Variants in CDIN1 observed in about 807,000 individuals in gnomAD.
The protein encoded by CDIN1 is CDAN1-interacting nuclease 1.
A neutral mutation model predicts 45.3 loss-of-function variants in CDIN1; 33 were observed. The observed-to-expected ratio is 0.73, with a 90% confidence interval of 0.55 to 0.97. CDIN1 has a LOEUF of 0.97. Ranked by LOEUF, CDIN1 falls within the 50% of genes least tolerant of loss-of-function variation. The pLI, the probability that CDIN1 is intolerant of heterozygous loss-of-function variation, is 0.00. For synonymous variants in CDIN1, 118 were observed against 124.4 expected, an observed-to-expected ratio of 0.95 and a Z score of 0.34; for missense variants, 303 against 339.4, an observed-to-expected ratio of 0.89 and a Z score of 0.84.
chr15:36,611,198 C>T (rs2038633092), intron 1 of CDIN1, among the ~76,000 whole-genome samples: 1 of 152,178 alleles, frequency 6.6e-6, no homozygotes, highest in African/African-American at 2.4e-5. Context: ...TCTGACTGAA[C>T]TGGGTAGCTA....
intron 3 of CDIN1, among the ~76,000 whole-genome samples, chr15:36,650,684 C>T (rs1284878713): frequency 6.6e-6 from 1 of 152,060 alleles, no homozygotes; most frequent in East Asian, 1.9e-4. Flanking sequence ...CTCAAATGAT[C>T]CACCCGCCTT....
chr15:36,788,412 G>A (rs1031647859), intron 10 of CDIN1, among the ~76,000 whole-genome samples: 9 of 151,912 alleles, frequency 5.9e-5, no homozygotes, highest in Non-Finnish European at 1.3e-4. Flanking sequence ...AAAAACAGAT[G>A]AGCAGTTTGA....
intron 1 of CDIN1, chr15:36,618,302 A>C (rs779311655): frequency 6.0e-5 from 40 of 667,846 alleles, no homozygotes; most frequent in Admixed American, 3.8e-4. Context: ...TCTAGTTCAA[A>C]AAATTTTTCA....
intron 1 of CDIN1, among the ~76,000 whole-genome samples, chr15:36,634,441 A>T (rs2140362484): frequency 6.6e-6 from 1 of 152,122 alleles, no homozygotes; most frequent in East Asian, 1.9e-4. Flanking sequence ...CAACAACAAA[A>T]AGTTTTATAT....
intron 10 of CDIN1, among the ~76,000 whole-genome samples, chr15:36,791,163 C>A (rs1458578748): frequency 6.6e-6 from 1 of 152,054 alleles, no homozygotes; most frequent in Non-Finnish European, 1.5e-5. Context: ...ATTTTCAAAT[C>A]ATTCAGCCCA....
chr15:36,720,932 A>C (rs1320870589), intron 10 of CDIN1, among the ~76,000 whole-genome samples: 1 of 152,130 alleles, frequency 6.6e-6, no homozygotes, highest in African/African-American at 2.4e-5. Context: ...CATCCTCTCC[A>C]GCATCTGTTG....
rs114163230 is a variant in CDIN1, at chr15:36,595,045, A to G, written c.101+15084A>G. On this transcript the variant is annotated intron_variant, in intron 1 of 10. Transcript: ENST00000566621. The stretch of plus-strand genomic sequence containing the variant: ...TGTTCTTATGGCTTATGGAAAAGAC[A>G]ACTGACATATGTAACCTTGGAACTG... 3.7e-3 allele frequency: 1,361 copies of G among 363,472 alleles called. 19 individuals are homozygous for G. Among genetic ancestry groups the G allele is most frequent in the African/African-American group, 0.029 (1,306 of 45,338 alleles). 22.5% of individuals were successfully genotyped at this position (363,472 alleles called of 1,614,324 possible). A position where few individuals can be genotyped will look rare whatever the true frequency, so the allele number is the denominator to read the frequency against.
At chr15:36,629,071 TA>T (rs1339234028) in intron 1 of CDIN1, among the ~76,000 whole-genome samples, 1 of 152,194 alleles carries the variant, frequency 6.6e-6, no homozygotes, top group Non-Finnish European at 1.5e-5. Flanking sequence ...GATTCTCCTC[TA>T]GAGCCTCTGG....
At chr15:36,640,194 G>A (rs944661431) in intron 1 of CDIN1, among the ~76,000 whole-genome samples, 2 of 152,102 alleles carry the variant, frequency 1.3e-5, no homozygotes, top group Non-Finnish European at 2.9e-5. Context: ...TAATTTTAGA[G>A]AGAAAAATGG....
At chr15:36,622,669 A>G (rs1420796615) in intron 1 of CDIN1, among the ~76,000 whole-genome samples, 2 of 152,224 alleles carry the variant, frequency 1.3e-5, no homozygotes, top group Non-Finnish European at 2.9e-5. Flanking sequence ...TTATCCTTGG[A>G]TGCCAGAGTA....
Position 36,801,168 on chromosome 15 carries a change from A to C in CDIN1, c.717-7156A>C, listed in dbSNP as rs144408380. On this transcript the variant is annotated intron_variant, in intron 10 of 10. Coordinates refer to ENST00000566621, the MANE Select transcript of CDIN1 (RefSeq NM_001321759.2). ...ATGCAGATTTATATTGTAGGACTCT[A>C]CTGCACTGAGAATCCTTGTTTATGC... 9.2e-3 allele frequency among the ~76,000 whole-genome samples: 1,403 copies of C among 151,704 alleles called. 23 individuals are homozygous for C. The highest frequency in any genetic ancestry group is 0.032 in the African/African-American group (1,321 of 41,410).
chr15:36,701,122 G>A (rs4008148), intron 8 of CDIN1, among the ~76,000 whole-genome samples: 14,817 of 103,574 alleles, frequency 0.14, 775 homozygotes, highest in African/African-American at 0.21. Flanking sequence ...AGATAGGTAG[G>A]TAGATAGATA....
chr15:36,749,338 A>G (rs957151009), intron 10 of CDIN1, among the ~76,000 whole-genome samples: 5 of 152,172 alleles, frequency 3.3e-5, no homozygotes, highest in African/African-American at 1.2e-4. Flanking sequence ...TAAAGCAAAC[A>G]ATGTGTTTGT....
At chr15:36,635,579 C>G (rs2039864981) in intron 1 of CDIN1, among the ~76,000 whole-genome samples, 1 of 151,844 alleles carries the variant, frequency 6.6e-6, no homozygotes, top group Non-Finnish European at 1.5e-5. Flanking sequence ...TAGTATGACA[C>G]ATAATGAGAG....
At chr15:36,786,464 G>A (rs1455461698) in intron 10 of CDIN1, among the ~76,000 whole-genome samples, 2 of 152,098 alleles carry the variant, frequency 1.3e-5, no homozygotes, top group African/African-American at 4.8e-5. Context: ...ACATCTCATT[G>A]TGACAATCTC....
intron 10 of CDIN1, among the ~76,000 whole-genome samples, chr15:36,790,734 C>T (rs948738656): frequency 6.6e-6 from 1 of 152,174 alleles, no homozygotes; most frequent in African/African-American, 2.4e-5. Context: ...TCATTTTCCT[C>T]TAAAAATATT....
intron 1 of CDIN1, chr15:36,640,801 C>CCAGCTAA: frequency 3.5e-6 from 1 of 287,446 alleles, no homozygotes; most frequent in African/African-American, 2.3e-5. Context: ...TTCATGTTAC[C>CCAGCTAA]GAGTATCTTA....
chr15:36,702,198 G>T (rs1351713682), intron 8 of CDIN1: 1 of 695,910 alleles, frequency 1.4e-6, no homozygotes, highest in East Asian at 2.7e-5. Context: ...CTATCCGAAG[G>T]TTAAAAATAT....
At chr15:36,666,356 A>C (rs980599077) in intron 5 of CDIN1, among the ~76,000 whole-genome samples, 1 of 152,148 alleles carries the variant, frequency 6.6e-6, no homozygotes, top group Non-Finnish European at 1.5e-5. Flanking sequence ...TTTTACAGCT[A>C]AGTTGATTAG....
Sources: gnomAD v4.1 joint callset for allele counts (sites outside exome capture counted in the v4.1 genomes callset) on GRCh38, gnomAD v4.1.1 for gene constraint, MANE v1.5 for transcripts, NCBI Gene and HGNC (gene_info 2026-07-23, HGNC 2026-07-21) for gene names.